Variants in DLG2 observed in about 807,000 individuals in gnomAD.
The protein encoded by DLG2 is discs large MAGUK scaffold protein 2.
A neutral mutation model predicts 132.5 loss-of-function variants in DLG2; 45 were observed. The ratio of observed to expected loss-of-function variants is 0.34; its 90% CI spans 0.27 to 0.44. The LOEUF is 0.44. Among genes scored for constraint, DLG2 ranks in the 20% least tolerant of loss-of-function variants. The pLI is 1.00. For missense variants in DLG2, 1,045 were observed against 1,196.9 expected (o/e 0.87, Z 1.87); for synonymous variants, 424 against 419.6 (o/e 1.01, Z -0.13).
chr11:84,774,893 A>C (rs2070165330), intron 6 of DLG2, among the ~76,000 whole-genome samples: 1 of 152,146 alleles, frequency 6.6e-6, no homozygotes, highest in Non-Finnish European at 1.5e-5. Context: ...TTATGACTAC[A>C]TCCTCAAAAG....
At chr11:83,973,085 GA>G (rs2091628937) in intron 12 of DLG2, among the ~76,000 whole-genome samples, 1 of 152,070 alleles carries the variant, frequency 6.6e-6, no homozygotes, top group South Asian at 2.1e-4. Context: ...CTGGGTACAA[GA>G]GAAAAACATT....
At chr11:84,589,764 A>G (rs1247705414) in intron 6 of DLG2, among the ~76,000 whole-genome samples, 2 of 152,190 alleles carry the variant, frequency 1.3e-5, no homozygotes, top group Non-Finnish European at 2.9e-5. Context: ...ACCTCCGGCT[A>G]TGGCACAAGA....
intron 11 of DLG2, among the ~76,000 whole-genome samples, chr11:84,017,171 C>T (rs1275176479): frequency 6.6e-6 from 1 of 152,020 alleles, no homozygotes. Flanking sequence ...AAGAGAACAA[C>T]TAGCCAATGA....
At chr11:84,841,879 T>C (rs1160456300) in intron 6 of DLG2, among the ~76,000 whole-genome samples, 1 of 152,006 alleles carries the variant, frequency 6.6e-6, no homozygotes, top group Non-Finnish European at 1.5e-5. Flanking sequence ...GGTTTCTAAA[T>C]TTTTATTATT....
chr11:85,150,346 TAAG>T (rs1038611591), intron 5 of DLG2, among the ~76,000 whole-genome samples: 12 of 152,230 alleles, frequency 7.9e-5, no homozygotes, highest in Non-Finnish European at 1.5e-4. Context: ...TATTGTATCA[TAAG>T]AAGAACCACA....
chr11:85,323,064 C>A (rs1466576731), intron 3 of DLG2, among the ~76,000 whole-genome samples: 1 of 152,152 alleles, frequency 6.6e-6, no homozygotes, highest in African/African-American at 2.4e-5. Context: ...CTGCAAGGCC[C>A]CCAATAATCT....
intron 10 of DLG2, among the ~76,000 whole-genome samples, chr11:84,063,175 A>C (rs1261552301): frequency 6.6e-6 from 1 of 152,178 alleles, no homozygotes; most frequent in Non-Finnish European, 1.5e-5. Flanking sequence ...AATCTAATTA[A>C]GTTGACAGTT....
intron 7 of DLG2, among the ~76,000 whole-genome samples, chr11:84,346,667 TC>T (rs2098540636): frequency 6.6e-6 from 1 of 152,192 alleles, no homozygotes; most frequent in African/African-American, 2.4e-5. Context: ...AACCTTCGCC[TC>T]CCTGGTTCAA....
At chr11:84,701,732 A>G (rs573133635) in intron 6 of DLG2, among the ~76,000 whole-genome samples, 15 of 151,780 alleles carry the variant, frequency 9.9e-5, no homozygotes, top group African/African-American at 2.7e-4. Context: ...AATTCCTAAT[A>G]TTTGGCAGCT....
At chr11:83,987,754 A>G (rs1424875239) in intron 11 of DLG2, among the ~76,000 whole-genome samples, 1 of 151,972 alleles carries the variant, frequency 6.6e-6, no homozygotes, top group African/African-American at 2.4e-5. Context: ...CTAGAAGAAA[A>G]CCTAGGCATT....
intron 18 of DLG2, among the ~76,000 whole-genome samples, chr11:83,780,952 C>T (rs747922648): frequency 6.6e-6 from 1 of 152,098 alleles, no homozygotes; most frequent in Non-Finnish European, 1.5e-5. Context: ...CAACGCCTCA[C>T]AAACTCTAAT....
At chr11:85,017,677 T>C (rs906296420) in intron 6 of DLG2, among the ~76,000 whole-genome samples, 1 of 152,194 alleles carries the variant, frequency 6.6e-6, no homozygotes, top group African/African-American at 2.4e-5. Flanking sequence ...AGAAAAGTAA[T>C]CAAGTCACCA....
chr11:83,974,969 A>G (rs2091979623), intron 12 of DLG2, among the ~76,000 whole-genome samples: 1 of 152,080 alleles, frequency 6.6e-6, no homozygotes, highest in African/African-American at 2.4e-5. Context: ...TTTTTCTTCA[A>G]ATGTCGAGCA....
chr11:83,846,935 C>CAAAT (rs2058725130), intron 16 of DLG2, among the ~76,000 whole-genome samples: 1 of 16,914 alleles, frequency 5.9e-5, no homozygotes. Flanking sequence ...TCATTATCTC[C>CAAAT]CAAGCCAAAA....
intron 6 of DLG2, among the ~76,000 whole-genome samples, chr11:84,686,081 T>C (rs2099737909): frequency 6.6e-6 from 1 of 152,184 alleles, no homozygotes; most frequent in Non-Finnish European, 1.5e-5. Context: ...GATCTTCCTT[T>C]AAGAGCAGTA....
At chr11:83,857,923 G>A (rs1380481053) in intron 16 of DLG2, among the ~76,000 whole-genome samples, 1 of 151,470 alleles carries the variant, frequency 6.6e-6, no homozygotes, top group African/African-American at 2.4e-5. Flanking sequence ...CTAAATACCT[G>A]GTAAAATAGT....
intron 14 of DLG2, among the ~76,000 whole-genome samples, chr11:83,956,729 T>G (rs1196231453): frequency 6.6e-6 from 1 of 152,256 alleles, no homozygotes; most frequent in African/African-American, 2.4e-5. Flanking sequence ...AGTCATTAAA[T>G]GTAAACTAAA....
intron 7 of DLG2, among the ~76,000 whole-genome samples, chr11:84,473,830 T>C (rs533541789): frequency 6.6e-6 from 1 of 152,192 alleles, no homozygotes; most frequent in African/African-American, 2.4e-5. Flanking sequence ...TTTAAATTCA[T>C]TGTTATTCTA....
intron 4 of DLG2, among the ~76,000 whole-genome samples, chr11:85,182,607 G>T (rs1239933307): frequency 1.3e-5 from 2 of 151,508 alleles, no homozygotes; most frequent in Non-Finnish European, 3.0e-5. Context: ...AAGAGAAAGA[G>T]AAATGGGGTG....
Sources: gnomAD v4.1 joint callset for allele counts (sites outside exome capture counted in the v4.1 genomes callset) on GRCh38, gnomAD v4.1.1 for gene constraint, MANE v1.5 for transcripts, NCBI Gene and HGNC (gene_info 2026-07-23, HGNC 2026-07-21) for gene names.